The following SYT14 variants were observed in gnomAD, a reference collection of about 807,000 sequenced individuals.
SYT14 encodes synaptotagmin 14, also known as synaptotagmin-14.
A neutral mutation model predicts 74.2 loss-of-function variants in SYT14; 32 were observed. The observed-to-expected ratio is 0.43, with a 90% CI of 0.33 to 0.58. The LOEUF (loss-of-function observed/expected upper bound fraction) is 0.58, where lower values mean the gene tolerates loss of function less well. Among genes scored for constraint, SYT14 ranks in the 20% least tolerant of loss-of-function variants. SYT14 has a pLI of 0.05. For missense variants in SYT14, 791 were observed against 981.8 expected, an observed-to-expected ratio of 0.81 and a Z score of 2.60; for synonymous variants, 298 against 337.7, an observed-to-expected ratio of 0.88 and a Z score of 1.29.
At chr1:210,134,884 C>G (rs2082750261) in intron 7 of SYT14, among the ~76,000 whole-genome samples, 1 of 152,132 alleles carries the variant, frequency 6.6e-6, no homozygotes, top group Non-Finnish European at 1.5e-5. Context: ...CCACATAACC[C>G]CTTTCTGAAA....
chr1:210,017,686 T>G (rs1243252343), intron 4 of SYT14, among the ~76,000 whole-genome samples: 1 of 152,202 alleles, frequency 6.6e-6, no homozygotes, highest in African/African-American at 2.4e-5. Flanking sequence ...GAGTTCTCTA[T>G]GTAGAATTAG....
chr1:210,059,919 G>A (rs1572230787), intron 5 of SYT14, among the ~76,000 whole-genome samples: 1 of 152,132 alleles, frequency 6.6e-6, no homozygotes, highest in African/African-American at 2.4e-5. Context: ...TTTATCTACA[G>A]TGGGTGGAGA....
chr1:210,078,428 G>T (rs1384810822), intron 5 of SYT14, among the ~76,000 whole-genome samples: 2 of 151,884 alleles, frequency 1.3e-5, no homozygotes, highest in African/African-American at 2.4e-5. Flanking sequence ...AGTTTAGTAG[G>T]TCTTGACAAA....
intron 2 of SYT14, among the ~76,000 whole-genome samples, chr1:209,981,068 T>C (rs1353260740): frequency 1.3e-5 from 2 of 152,242 alleles, no homozygotes; most frequent in African/African-American, 2.4e-5. Context: ...TGATTCTTCC[T>C]ATCCATGAGC....
intron 5 of SYT14, among the ~76,000 whole-genome samples, chr1:210,058,111 C>T (rs1048127800): frequency 6.6e-6 from 1 of 152,078 alleles, no homozygotes; most frequent in Admixed American, 6.5e-5. Context: ...TGACTAGGGA[C>T]CGAAAGCTGG....
intron 5 of SYT14, among the ~76,000 whole-genome samples, chr1:210,077,716 A>G (rs935476824): frequency 6.6e-5 from 10 of 152,186 alleles, no homozygotes; most frequent in African/African-American, 2.4e-4. Flanking sequence ...CAATTTATGA[A>G]AATTCCTGTT....
At chr1:210,107,707 TATTAA>T (rs1157715911) in intron 7 of SYT14, among the ~76,000 whole-genome samples, 1 of 152,216 alleles carries the variant, frequency 6.6e-6, no homozygotes, top group African/African-American at 2.4e-5. Flanking sequence ...CATTTTTTTC[TATTAA>T]ATTTATGTAA....
intron 5 of SYT14, among the ~76,000 whole-genome samples, chr1:210,041,946 C>T: frequency 6.6e-6 from 1 of 152,052 alleles, no homozygotes; most frequent in Non-Finnish European, 1.5e-5. Flanking sequence ...AAGCACTCTG[C>T]TCTGGGTTTT....
rs1356440193 is a variant in SYT14 at position 210,059,443 on chromosome 1, T to TAGAGAG, written c.1313-34878_1313-34877insGAGAGA. On this transcript the variant is annotated intron_variant, in intron 5 of 9. Transcript: ENST00000637265. Reference sequence around the variant, plus strand: ...ACAAGAAAGAATATATATATATATATATATATATAGAGAGAGAGAGAGAGA... The same window carrying TAGAGAG: ...ACAAGAAAGAATATATATATATATATAGAGAGATATATATAGAGAGAGAGAGAGAGA... Among the ~76,000 whole-genome samples, 357 of 96,142 alleles carry TAGAGAG rather than the reference T, an allele frequency of 3.7e-3. 1 individual carries two copies. Among genetic ancestry groups the TAGAGAG allele is most frequent in the Non-Finnish European group, 4.4e-3 (219 of 49,990 alleles). 63.1% of individuals were successfully genotyped at this position (96,142 alleles called of 152,430 possible). A position where few individuals can be genotyped will look rare whatever the true frequency, so the allele number is the denominator to read the frequency against.
At chr1:209,982,913 C>T (rs952952305) in intron 2 of SYT14, among the ~76,000 whole-genome samples, 3 of 152,114 alleles carry the variant, frequency 2.0e-5, no homozygotes, top group Non-Finnish European at 4.4e-5. Flanking sequence ...GGTGGTGTCT[C>T]TGTTGTCTTA....
At chr1:210,088,184 T>C (rs1309164436) in intron 5 of SYT14, among the ~76,000 whole-genome samples, 1 of 148,818 alleles carries the variant, frequency 6.7e-6, no homozygotes, top group East Asian at 2.0e-4. Flanking sequence ...TTGTTAACTT[T>C]TTTTTTTACA....
intron 5 of SYT14, among the ~76,000 whole-genome samples, chr1:210,023,742 T>G (rs2080351358): frequency 6.6e-6 from 1 of 152,156 alleles, no homozygotes; most frequent in Non-Finnish European, 1.5e-5. Context: ...GGGGTCTAGG[T>G]GAGTTAGACT....
At chr1:210,138,361 G>A (rs960182155) in intron 7 of SYT14, among the ~76,000 whole-genome samples, 7 of 152,214 alleles carry the variant, frequency 4.6e-5, no homozygotes, top group East Asian at 1.9e-4. Flanking sequence ...CAATTACCTC[G>A]CACCAGTTCC....
exon 10 of SYT14, chr1:210,167,560 GTTTTC>G (rs1231524891): frequency 2.0e-5 from 3 of 152,040 alleles, no homozygotes; most frequent in Admixed American, 6.5e-5. Context: ...ACATTTTGAA[GTTTTC>G]TTTTCCCCCA....
intron 7 of SYT14, among the ~76,000 whole-genome samples, chr1:210,139,785 C>T (rs947667574): frequency 6.6e-6 from 1 of 152,084 alleles, no homozygotes; most frequent in Non-Finnish European, 1.5e-5. Flanking sequence ...TTTCAAGGCT[C>T]ATTCATGTTT....
chr1:210,060,698 G>T (rs2081191796), intron 5 of SYT14, among the ~76,000 whole-genome samples: 1 of 151,994 alleles, frequency 6.6e-6, no homozygotes. Context: ...TTCAATCCAT[G>T]GGCCATGCTG....
At chr1:210,162,397 C>T (rs994254819) in exon 10 of SYT14, 1 of 407,280 alleles carries the variant, frequency 2.5e-6, no homozygotes, top group Non-Finnish European at 4.8e-6. Context: ...TTTTTAATGG[C>T]AAGGCACTTT....
chr1:210,155,385 T>C (rs994655980), intron 7 of SYT14, among the ~76,000 whole-genome samples: 11 of 152,252 alleles, frequency 7.2e-5, no homozygotes, highest in Non-Finnish European at 1.6e-4. Flanking sequence ...TCTTTGTCAG[T>C]CTTTTAAGGT....
intron 7 of SYT14, among the ~76,000 whole-genome samples, chr1:210,135,917 A>G (rs1401756426): frequency 6.6e-6 from 1 of 152,202 alleles, no homozygotes; most frequent in East Asian, 1.9e-4. Flanking sequence ...AATGTGAATT[A>G]TTCTCAGGCC....
Sources: gnomAD v4.1 joint callset for allele counts (sites outside exome capture counted in the v4.1 genomes callset) on GRCh38, gnomAD v4.1.1 for gene constraint, MANE v1.5 for transcripts, NCBI Gene and HGNC (gene_info 2026-07-23, HGNC 2026-07-21) for gene names.